THSD7B: variants seen among roughly 807,000 people sequenced by gnomAD.
THSD7B encodes thrombospondin type-1 domain-containing protein 7B.
In THSD7B, 138 loss-of-function variants were observed where a neutral mutation model predicts 213.6. That is an observed-to-expected ratio of 0.65 (90% confidence interval 0.56 to 0.74). The LOEUF (loss-of-function observed/expected upper bound fraction) is 0.74. Ranked by LOEUF, THSD7B falls within the 30% of genes least tolerant of loss-of-function variation. The pLI is 0.00. For missense variants in THSD7B, 1,931 were observed against 1,991.5 expected (o/e 0.97, Z 0.58); for synonymous variants, 742 against 687.0 (o/e 1.08, Z -1.25).
chr2:137,030,382 A>C (rs1207707755), intron 2 of THSD7B, among the ~76,000 whole-genome samples: 1 of 152,204 alleles, frequency 6.6e-6, no homozygotes, highest in African/African-American at 2.4e-5. Flanking sequence ...ATTAGTAAGA[A>C]GTAAGAACGG....
intron 7 of THSD7B, among the ~76,000 whole-genome samples, chr2:137,201,337 G>A (rs963275747): frequency 6.6e-6 from 1 of 152,120 alleles, no homozygotes; most frequent in African/African-American, 2.4e-5. Context: ...GTGGGCACTT[G>A]GGCTTCTCTC....
At chr2:137,313,106 GT>G (rs768937466) in intron 12 of THSD7B, among the ~76,000 whole-genome samples, 17 of 151,912 alleles carry the variant, frequency 1.1e-4, no homozygotes, top group Non-Finnish European at 2.1e-4. Context: ...TGACAGTGGG[GT>G]GTTAAAGTCT....
At chr2:136,825,151 G>A (rs12478284) in intron 1 of THSD7B, among the ~76,000 whole-genome samples, 43,291 of 152,014 alleles carry the variant, frequency 0.28, 6,837 homozygotes, top group East Asian at 0.61. Context: ...CAATTTAAGA[G>A]AACAATGAAA....
intron 17 of THSD7B, among the ~76,000 whole-genome samples, chr2:137,595,532 T>C (rs910874817): frequency 2.6e-5 from 4 of 151,996 alleles, no homozygotes; most frequent in South Asian, 4.1e-4. Flanking sequence ...TATTTGTCTT[T>C]TGTGCACAAT....
At chr2:136,767,480 TTGTG>T (rs1213403579) in intron 1 of THSD7B, among the ~76,000 whole-genome samples, 2 of 78,050 alleles carry the variant, frequency 2.6e-5, no homozygotes, top group African/African-American at 7.2e-5. Context: ...TGTGTGTGTG[TTGTG>T]TGTATTTGTG....
intron 7 of THSD7B, among the ~76,000 whole-genome samples, chr2:137,186,492 T>G (rs899861605): frequency 6.6e-5 from 10 of 152,004 alleles, no homozygotes; most frequent in Non-Finnish European, 2.9e-5. Context: ...AGTCCTTTCC[T>G]TATTGCTTTA....
intron 2 of THSD7B, among the ~76,000 whole-genome samples, chr2:136,944,329 G>A (rs902477679): frequency 5.9e-5 from 9 of 152,192 alleles, no homozygotes; most frequent in Non-Finnish European, 7.4e-5. Flanking sequence ...GAATAAGTGT[G>A]ATGTGGAGCT....
At chr2:137,622,654 C>T (rs974092319) in intron 20 of THSD7B, among the ~76,000 whole-genome samples, 3 of 152,062 alleles carry the variant, frequency 2.0e-5, no homozygotes, top group Non-Finnish European at 1.5e-5. Context: ...GATATCACCA[C>T]CGATCCCACA....
In THSD7B at chr2:137,411,606, C is replaced by T; in HGVS notation, c.2696-3C>T. ...AATATCTTAATGTCTCTTGTTGGAA[C>T]AGGGAAAAGCAGAAAGAAGGAGAAA... On this transcript the variant is annotated splice_region_variant and splice_polypyrimidine_tract_variant and intron_variant, in intron 13 of 27. Transcript: ENST00000409968. 6.2e-7 allele frequency: 1 copy of T among 1,607,250 alleles called. No individual in the cohort carries two copies. Among genetic ancestry groups the T allele is most frequent in the Middle Eastern group, 1.7e-4 (1 of 6,010 alleles).
chr2:137,001,425 G>T (rs1410840362), intron 2 of THSD7B, among the ~76,000 whole-genome samples: 1 of 152,052 alleles, frequency 6.6e-6, no homozygotes, highest in African/African-American at 2.4e-5. Flanking sequence ...TGCAAGGAAA[G>T]GTTCAATAAG....
chr2:136,843,353 A>G (rs988276380), intron 1 of THSD7B, among the ~76,000 whole-genome samples: 1 of 152,174 alleles, frequency 6.6e-6, no homozygotes, highest in Non-Finnish European at 1.5e-5. Context: ...CTCTGATGAT[A>G]CTTATATTAA....
intron 2 of THSD7B, among the ~76,000 whole-genome samples, chr2:136,944,442 A>T (rs1240108561): frequency 6.6e-6 from 1 of 151,976 alleles, no homozygotes; most frequent in Non-Finnish European, 1.5e-5. Flanking sequence ...ATCCTTGTTA[A>T]CCTTCTGTCT....
intron 1 of THSD7B, among the ~76,000 whole-genome samples, chr2:136,875,744 A>C (rs1683517929): frequency 6.6e-6 from 1 of 152,202 alleles, no homozygotes; most frequent in African/African-American, 2.4e-5. Flanking sequence ...TGCAGAGTTA[A>C]TACAGTGTTC....
rs1681545494 is a variant in THSD7B at position 136,773,450 on chromosome 2, GC to G, written c.-36+7765del. On this transcript the variant is annotated intron_variant, in intron 1 of 27. Coordinates refer to ENST00000409968, the MANE Select transcript of THSD7B (RefSeq NM_001316349.2). ...GTATGCAACCTTGTATTTTTTAGTAGCCACATTAAAGAAGAAAACATTGAAA... is the reference window on the plus strand; with the variant it reads ...GTATGCAACCTTGTATTTTTTAGTAGCACATTAAAGAAGAAAACATTGAAA... Among the ~76,000 whole-genome samples, 4 of 152,042 alleles carry G rather than the reference GC, an allele frequency of 2.6e-5. No individual in the cohort carries two copies. The South Asian group carries it at 8.3e-4, about 32-fold the overall frequency.
intron 12 of THSD7B, among the ~76,000 whole-genome samples, chr2:137,345,944 G>A (rs1411449026): frequency 6.6e-6 from 1 of 151,514 alleles, no homozygotes; most frequent in Non-Finnish European, 1.5e-5. Flanking sequence ...CCACTTTGAT[G>A]ACATGTCAAG....
At chr2:137,005,353 A>G (rs1686083231) in intron 2 of THSD7B, among the ~76,000 whole-genome samples, 1 of 152,194 alleles carries the variant, frequency 6.6e-6, no homozygotes, top group African/African-American at 2.4e-5. Context: ...GTAGGGTATA[A>G]TACAGAAAAT....
intron 2 of THSD7B, among the ~76,000 whole-genome samples, chr2:136,910,423 A>G (rs996998752): frequency 6.6e-6 from 1 of 152,194 alleles, no homozygotes; most frequent in African/African-American, 2.4e-5. Context: ...AATGATACCA[A>G]TATATAGTCA....
intron 2 of THSD7B, among the ~76,000 whole-genome samples, chr2:137,000,485 T>A (rs573473691): frequency 6.6e-6 from 1 of 152,160 alleles, no homozygotes; most frequent in African/African-American, 2.4e-5. Context: ...ACTATGGGGT[T>A]GATTATTAAC....
At chr2:136,857,858 A>G (rs954164770) in intron 1 of THSD7B, among the ~76,000 whole-genome samples, 1 of 152,202 alleles carries the variant, frequency 6.6e-6, no homozygotes, top group African/African-American at 2.4e-5. Flanking sequence ...CTTTTAAACT[A>G]AATTCTGGTT....
Sources: allele counts gnomAD v4.1 joint callset (sites outside exome capture counted in the v4.1 genomes callset), GRCh38; gene constraint gnomAD v4.1.1; transcripts MANE v1.5; gene names NCBI Gene and HGNC (gene_info 2026-07-23, HGNC 2026-07-21).